Variants in MYO18B observed in about 807,000 individuals in gnomAD.
MYO18B encodes unconventional myosin-XVIIIb.
Under a neutral mutation model 273.0 loss-of-function variants are expected in MYO18B, and 204 were observed. The ratio of observed to expected loss-of-function variants is 0.75; its 90% CI spans 0.67 to 0.84. The LOEUF is 0.84. MYO18B is among the 40% of genes least tolerant of loss of function. The probability of loss-of-function intolerance (pLI) is 0.00; values close to 1 mark genes in which losing one functional copy is unlikely to be tolerated. For synonymous variants in MYO18B, 1,330 were observed against 1,305.7 expected, an observed-to-expected ratio of 1.02 and a Z score of -0.40; for missense variants, 3,212 against 3,287.6, an observed-to-expected ratio of 0.98 and a Z score of 0.56.
At chr22:25,877,866 A>G (rs2091242223) in intron 24 of MYO18B, 93 bp from the exon 25 acceptor site, 6 of 897,232 alleles carry the variant, frequency 6.7e-6, no homozygotes, top group African/African-American at 1.7e-5. Flanking sequence ...TATTCCTCCT[A>G]ACGGAAACTT....
the MYO18B span, among the ~76,000 whole-genome samples, chr22:26,047,377 T>C: frequency 6.6e-6 from 1 of 152,126 alleles, no homozygotes; most frequent in Non-Finnish European, 1.5e-5. Flanking sequence ...CCACCCACCT[T>C]GGCCTCCCAA....
chr22:25,819,741 T>C (rs1397557601), intron 12 of MYO18B, among the ~76,000 whole-genome samples: 1 of 152,060 alleles, frequency 6.6e-6, no homozygotes, highest in East Asian at 1.9e-4. Context: ...CACAAAGATA[T>C]GGCAAAAAAG....
rs1352421241 is a variant in MYO18B at position 25,883,243 on chromosome 22, A to G, written c.4314+5195A>G. Among the ~76,000 whole-genome samples the G allele has an allele frequency of 6.6e-6, 1 of 152,160 alleles. No individual in the cohort carries two copies. Among genetic ancestry groups the G allele is most frequent in the Non-Finnish European group, 1.5e-5 (1 of 68,018 alleles). ...TCACCTGGGGAACAGTTAGCTCTGT[A>G]TCTTCCCCAGTCCACCTCCTGAGGG... On this transcript the variant is annotated intron_variant, in intron 25 of 43. Coordinates refer to ENST00000335473, the MANE Select transcript of MYO18B (RefSeq NM_032608.7). The surrounding 1 kb of genome is among the most constrained non-coding windows in gnomAD (Gnocchi z 7.6).
chr22:25,946,878 C>T (rs2092718270), intron 35 of MYO18B, among the ~76,000 whole-genome samples: 1 of 152,178 alleles, frequency 6.6e-6, no homozygotes. Context: ...TGGAACTACC[C>T]TGTGCTCACC....
chr22:25,829,522 T>TAAAA (rs55957728), intron 15 of MYO18B, among the ~76,000 whole-genome samples: 26,230 of 139,102 alleles, frequency 0.19, 2,656 homozygotes, highest in Non-Finnish European at 0.24. Context: ...TCTTTTTTCA[T>TAAAA]AAAAAAAAAA....
intron 1 of MYO18B, among the ~76,000 whole-genome samples, chr22:25,744,771 T>G (rs2085728570): frequency 6.6e-6 from 1 of 152,010 alleles, no homozygotes; most frequent in African/African-American, 2.4e-5. Flanking sequence ...AAAATGAAAT[T>G]AAATTTTCTG....
intron 39 of MYO18B, among the ~76,000 whole-genome samples, chr22:25,962,539 A>C (rs993050213): frequency 1.4e-4 from 22 of 152,200 alleles, no homozygotes; most frequent in Admixed American, 1.4e-3. Context: ...CTTACTATGT[A>C]CCTAGCCCTG....
chr22:25,878,787 C>G (rs1473540987), intron 25 of MYO18B, among the ~76,000 whole-genome samples: 1 of 152,222 alleles, frequency 6.6e-6, no homozygotes, highest in Non-Finnish European at 1.5e-5. Flanking sequence ...CTGCTGGGAT[C>G]ATAAATTGAT....
intron 21 of MYO18B, among the ~76,000 whole-genome samples, chr22:25,860,588 G>A (rs911431281): frequency 1.4e-4 from 21 of 152,032 alleles, no homozygotes; most frequent in South Asian, 6.2e-4. Flanking sequence ...TCTTTGGCCC[G>A]TTGTTTATTA....
At chr22:25,775,105 G>A (rs1256369323) in intron 7 of MYO18B, among the ~76,000 whole-genome samples, 1 of 152,222 alleles carries the variant, frequency 6.6e-6, no homozygotes, top group Non-Finnish European at 1.5e-5. Flanking sequence ...AGGACTGCCC[G>A]TTCATTGAAC....
At chr22:25,913,060 A>G (rs2092189190) in intron 33 of MYO18B, among the ~76,000 whole-genome samples, 1 of 152,178 alleles carries the variant, frequency 6.6e-6, no homozygotes, top group African/African-American at 2.4e-5. Context: ...ATAGTCTCGT[A>G]TCTGCCTCAC....
chr22:25,771,185 C>T (rs1324035551), intron 6 of MYO18B, among the ~76,000 whole-genome samples: 1 of 152,214 alleles, frequency 6.6e-6, no homozygotes, highest in African/African-American at 2.4e-5. Flanking sequence ...ATTAGGGGGT[C>T]ATTCACCCTT....
intron 39 of MYO18B, among the ~76,000 whole-genome samples, chr22:25,957,912 C>CTTTTTTT (rs1330432024): frequency 7.8e-6 from 1 of 128,908 alleles, no homozygotes; most frequent in Non-Finnish European, 1.7e-5. Context: ...AACGCTTTTG[C>CTTTTTTT]TTTTTTTTTT....
intron 9 of MYO18B, 25 bp downstream of exon 9, chr22:25,780,223 A>G (rs1267695335): frequency 2.5e-6 from 4 of 1,589,720 alleles, no homozygotes; most frequent in Non-Finnish European, 3.4e-6. Flanking sequence ...GGGATGTGCA[A>G]GGGGGCCCTT....
chr22:25,917,460 A>C (rs2092277649), intron 33 of MYO18B, among the ~76,000 whole-genome samples: 1 of 150,990 alleles, frequency 6.6e-6, no homozygotes, highest in African/African-American at 2.4e-5. Flanking sequence ...TCCATGAATA[A>C]GTTTTGCCTT....
chr22:25,955,981 C>T (rs975618833), intron 39 of MYO18B, among the ~76,000 whole-genome samples: 3 of 152,176 alleles, frequency 2.0e-5, no homozygotes, highest in Non-Finnish European at 2.9e-5. Flanking sequence ...AAACATTTCT[C>T]GTCTAAATCC....
rs761255429 is a variant in MYO18B, at chr22:25,948,484, TTC to T, written c.5748+660_5748+661del. The stretch of plus-strand genomic sequence containing the variant: ...CTTCTTTCTTTCTTTCTTTCTTTCT[TTC>T]TCTTTCTTTCTTTCCTCTCTTTTCT... On this transcript the variant is annotated intron_variant, in intron 36 of 43. Coordinates refer to ENST00000335473, the MANE Select transcript of MYO18B (RefSeq NM_032608.7). 2.5e-3 allele frequency among the ~76,000 whole-genome samples: 247 copies of T among 98,590 alleles called. 1 individual carries two copies. Among genetic ancestry groups the T allele is most frequent in the Middle Eastern group, 5.1e-3 (1 of 196 alleles). The allele number at this position is 98,590 out of a possible 152,430, so 64.7% of individuals were successfully genotyped here. A position where few individuals can be genotyped will look rare whatever the true frequency, so the allele number is the denominator to read the frequency against.
chr22:25,822,134 C>T (rs1041929758), intron 12 of MYO18B, among the ~76,000 whole-genome samples: 3 of 152,224 alleles, frequency 2.0e-5, no homozygotes, highest in Non-Finnish European at 2.9e-5. Flanking sequence ...CCTCTCCCCA[C>T]CCCGTTACAT....
Position 25,785,325 on chromosome 22 carries a change from G to A in MYO18B, c.2313-103G>A, listed in dbSNP as rs556276773. The A allele has an allele frequency of 2.2e-4, 243 of 1,089,758 alleles. 2 individuals are homozygous for A. Among genetic ancestry groups the A allele is most frequent in the Middle Eastern group, 1.7e-3 (6 of 3,556 alleles). 67.5% of individuals were successfully genotyped at this position (1,089,758 alleles called of 1,614,324 possible). On this transcript the variant is annotated intron_variant, in intron 10 of 43. Coordinates refer to ENST00000335473, the MANE Select transcript of MYO18B (RefSeq NM_032608.7). ...GCCAGGGACAGGGACAGCCCCTGGG[G>A]TGTCCGGGCAGTTGTGTGGAGCCTC...
Sources: gnomAD v4.1 joint callset for allele counts (sites outside exome capture counted in the v4.1 genomes callset) on GRCh38, gnomAD v4.1.1 for gene constraint, Gnocchi (gnomAD v3.1) non-coding constraint, MANE v1.5 for transcripts, NCBI Gene and HGNC (gene_info 2026-07-23, HGNC 2026-07-21) for gene names.